The following ACYP2 variants were observed in gnomAD, a reference collection of about 807,000 sequenced individuals.
ACYP2 encodes acylphosphatase-2.
In ACYP2, 12 loss-of-function variants were observed where a neutral mutation model predicts 11.2. The ratio of observed to expected loss-of-function variants is 1.08; its 90% CI spans 0.69 to 1.74. The LOEUF is 1.74. Ranked by LOEUF, ACYP2 falls within the 40% of genes most tolerant of loss-of-function variation. ACYP2 has a pLI of 0.00. For missense variants in ACYP2, 134 were observed against 101.9 expected (o/e 1.31, Z -1.35); for synonymous variants, 43 against 32.2 (o/e 1.33, Z -1.13).
chr2:54,201,678 CTTTCTCTCTCTCTCTCTCTCT>C (rs1684831194), intron 6 of ACYP2, among the ~76,000 whole-genome samples: 2 of 97,928 alleles, frequency 2.0e-5, no homozygotes, highest in Non-Finnish European at 2.1e-5. Flanking sequence ...TTCTTTCTTT[CTTTCTCTCTCTCTCTCTCTCT>C]TTTTTCTTTT....
At chr2:54,196,039 C>G (rs1360885058) in intron 6 of ACYP2, among the ~76,000 whole-genome samples, 1 of 152,000 alleles carries the variant, frequency 6.6e-6, no homozygotes, top group Non-Finnish European at 1.5e-5. Context: ...CTCAGATGAT[C>G]TACCCACCTT....
intron 6 of ACYP2, among the ~76,000 whole-genome samples, chr2:54,187,380 A>C (rs1463066345): frequency 6.6e-6 from 1 of 152,198 alleles, no homozygotes; most frequent in Non-Finnish European, 1.5e-5. Context: ...TGTAGTCCGC[A>C]CATCTTGGGA....
chr2:54,255,782 C>T (rs1188928098), intron 6 of ACYP2: 1 of 1,613,910 alleles, frequency 6.2e-7, no homozygotes, highest in South Asian at 1.1e-5. Context: ...TTCTCCCCAC[C>T]TAGGCCGTGC....
intron 4 of ACYP2, among the ~76,000 whole-genome samples, chr2:54,123,709 C>A (rs543156927): frequency 1.6e-4 from 24 of 152,152 alleles, no homozygotes; most frequent in African/African-American, 5.3e-4. Flanking sequence ...TGGCCTCTCC[C>A]TCAAGATTTC....
Position 54,273,005 on chromosome 2 carries a change from G to T in ACYP2, c.405-31683G>T, listed in dbSNP as rs115698094. ...AGCTTGTTTTCATCTTGTTTTCAAA[G>T]AATTGGGGTTAGGAAAGCAGGAAAC... On this transcript the variant is annotated intron_variant, in intron 6 of 6. Coordinates refer to ENST00000607452, the MANE Select transcript of ACYP2 (RefSeq NM_001320586.2). Among the ~76,000 whole-genome samples the T allele has an allele frequency of 8.8e-3, 1,339 of 152,296 alleles. 28 individuals carry two copies. Among genetic ancestry groups the T allele is most frequent in the African/African-American group, 0.029 (1,219 of 41,568 alleles).
chr2:54,059,936 C>T lies in ACYP2; in HGVS notation c.277+2576C>T, dbSNP rs924875254. ...AGCAAGTTTGATGCCCATTCTGATT[C>T]CACATTCTTTTAATGTGCTTGCCTC... On this transcript the variant is annotated intron_variant, in intron 4 of 6. Transcript: ENST00000607452. Among the ~76,000 whole-genome samples the T allele has an allele frequency of 1.4e-4, 21 of 152,318 alleles. No homozygotes were observed. In the Middle Eastern group the frequency reaches 0.02, roughly 148 times the overall value.
chr2:54,305,097 A>G lies in ACYP2; in HGVS notation c.*295A>G. ...AATTTCAATGAACATTACAGCATATATATGTTATTTGGCGAGACATCAAAT... is the reference window on the plus strand; with the variant it reads ...AATTTCAATGAACATTACAGCATATGTATGTTATTTGGCGAGACATCAAAT... On this transcript the variant is annotated 3_prime_UTR_variant, in exon 7 of 7. Transcript: ENST00000607452. 1 of 196,316 alleles carries G rather than the reference A, an allele frequency of 5.1e-6. No homozygotes were observed. The highest frequency in any genetic ancestry group is 1.0e-5 in the Non-Finnish European group (1 of 97,506). The allele number at this position is 196,316 out of a possible 1,614,324, so 12.2% of individuals were successfully genotyped here.
At chr2:54,047,252 A>G (rs1675574200) in intron 2 of ACYP2, among the ~76,000 whole-genome samples, 1 of 152,366 alleles carries the variant, frequency 6.6e-6, no homozygotes, top group Non-Finnish European at 1.5e-5. Context: ...TTGTGCCAGA[A>G]CCGCAGGAGA....
At chr2:54,115,730 A>G in intron 4 of ACYP2, 1 of 1,612,968 alleles carries the variant, frequency 6.2e-7, no homozygotes, top group Non-Finnish European at 8.5e-7. Flanking sequence ...AAATCCGTGG[A>G]CTACGAGGTG....
At chr2:54,269,936 G>A (rs1688208615) in intron 6 of ACYP2, among the ~76,000 whole-genome samples, 1 of 152,094 alleles carries the variant, frequency 6.6e-6, no homozygotes, top group African/African-American at 2.4e-5. Flanking sequence ...TTGAGTTGAT[G>A]CACTGTAATT....
chr2:53,992,736 C>A (rs1187780404), intron 2 of ACYP2, among the ~76,000 whole-genome samples: 1 of 149,366 alleles, frequency 6.7e-6, no homozygotes, highest in Non-Finnish European at 1.5e-5. Flanking sequence ...GAGGCTGTGG[C>A]AGGATAATCA....
At chr2:54,067,812 T>C (rs1424991130) in intron 4 of ACYP2, among the ~76,000 whole-genome samples, 1 of 152,208 alleles carries the variant, frequency 6.6e-6, no homozygotes, top group African/African-American at 2.4e-5. Context: ...TAATTATCAG[T>C]TCAGTGACTC....
At chr2:54,141,022 T>C (rs1681571585) in intron 6 of ACYP2, among the ~76,000 whole-genome samples, 1 of 152,220 alleles carries the variant, frequency 6.6e-6, no homozygotes, top group Non-Finnish European at 1.5e-5. Flanking sequence ...GTGATTATTA[T>C]TTTTTGCTGT....
chr2:54,065,280 T>C (rs544094252), intron 4 of ACYP2, among the ~76,000 whole-genome samples: 1 of 152,146 alleles, frequency 6.6e-6, no homozygotes, highest in Non-Finnish European at 1.5e-5. Context: ...GGTTAGTCCT[T>C]AGATTTTTGC....
intron 2 of ACYP2, among the ~76,000 whole-genome samples, chr2:54,020,122 AG>A (rs1673923708): frequency 6.6e-6 from 1 of 151,916 alleles, no homozygotes; most frequent in Non-Finnish European, 1.5e-5. Context: ...TTTTTAGTAG[AG>A]ATGGGGTTTA....
chr2:54,069,084 A>T (rs538116442), intron 4 of ACYP2, among the ~76,000 whole-genome samples: 2 of 151,950 alleles, frequency 1.3e-5, no homozygotes, highest in East Asian at 3.9e-4. Context: ...GCACCACCAC[A>T]CCCAACTAAT....
chr2:54,065,430 G>A (rs1676695838), intron 4 of ACYP2: 2 of 398,384 alleles, frequency 5.0e-6, no homozygotes, highest in South Asian at 1.3e-4. Flanking sequence ...GTTGGAGTTG[G>A]ATGACCAATT....
chr2:54,235,278 G>GTT (rs34554365), intron 6 of ACYP2, among the ~76,000 whole-genome samples: 4,181 of 148,526 alleles, frequency 0.028, 187 homozygotes, highest in African/African-American at 0.097. Context: ...TATAAGACAG[G>GTT]TTTTTTTTTT....
At chr2:54,016,725 CTTTT>C (rs5831288) in intron 2 of ACYP2, among the ~76,000 whole-genome samples, 5 of 129,696 alleles carry the variant, frequency 3.9e-5, no homozygotes, top group Non-Finnish European at 4.9e-5. Context: ...CCTTCAGTGT[CTTTT>C]TTTTTTTTTT....
Sources: gnomAD v4.1 joint callset for allele counts (sites outside exome capture counted in the v4.1 genomes callset) on GRCh38, gnomAD v4.1.1 for gene constraint, MANE v1.5 for transcripts, NCBI Gene and HGNC (gene_info 2026-07-23, HGNC 2026-07-21) for gene names.